Variants in BNC2 observed in about 807,000 individuals in gnomAD.
BNC2 encodes zinc finger protein basonuclin-2.
A neutral mutation model predicts 76.3 loss-of-function variants in BNC2; 20 were observed. The ratio of observed to expected loss-of-function variants is 0.26; its 90% confidence interval spans 0.18 to 0.38. The LOEUF (loss-of-function observed/expected upper bound fraction) is 0.38. Ranked by LOEUF, BNC2 falls within the 10% of genes least tolerant of loss-of-function variation. BNC2 has a pLI of 1.00. For synonymous variants in BNC2, 582 were observed against 514.8 expected (o/e 1.13, Z -1.77); for missense variants, 1,382 against 1,399.8 (o/e 0.99, Z 0.20).
At position 16,699,145 on chromosome 9, in the gene BNC2, C is replaced by G. The variant is rs549179037; in HGVS notation, c.330+28652G>C. The G allele has an allele frequency of 8.6e-6, 4 of 463,872 alleles. 1 individual carries two copies. Among genetic ancestry groups the G allele is most frequent in the South Asian group, 6.4e-5 (4 of 62,970 alleles). 28.7% of individuals were successfully genotyped at this position (463,872 alleles called of 1,614,324 possible). On this transcript the variant is annotated intron_variant, in intron 3 of 6. Transcript: ENST00000380672. The stretch of plus-strand genomic sequence containing the variant: ...TGTTTTTGTTTTTGTTTTGTCCTTT[C>G]CCTTTGTTTTAAAAACAGAAAGGCT...
intron 4 of BNC2, among the ~76,000 whole-genome samples, chr9:16,568,053 G>A (rs1348791955): frequency 6.6e-6 from 1 of 151,974 alleles, no homozygotes; most frequent in African/African-American, 2.4e-5. Flanking sequence ...TTTTATTTTG[G>A]GAGAAAGCCA....
chr9:16,525,349 A>T (rs1178870899), intron 5 of BNC2, among the ~76,000 whole-genome samples: 1 of 152,218 alleles, frequency 6.6e-6, no homozygotes, highest in Non-Finnish European at 1.5e-5. Context: ...AACTATTCAC[A>T]ATACAGATAT....
intron 1 of BNC2, among the ~76,000 whole-genome samples, chr9:16,790,890 T>G (rs1817486343): frequency 6.6e-6 from 1 of 151,668 alleles, no homozygotes; most frequent in Non-Finnish European, 1.5e-5. Context: ...ACACTTCATT[T>G]ATTTGATGCA....
chr9:16,506,790 C>A (rs923071012), intron 5 of BNC2, among the ~76,000 whole-genome samples: 5 of 151,554 alleles, frequency 3.3e-5, no homozygotes, highest in Non-Finnish European at 7.4e-5. Context: ...TTGCTCTTGT[C>A]ACCCAGGCTG....
At chr9:16,551,591 T>C (rs1161154318) in intron 5 of BNC2, among the ~76,000 whole-genome samples, 1 of 152,146 alleles carries the variant, frequency 6.6e-6, no homozygotes, top group Non-Finnish European at 1.5e-5. Flanking sequence ...ATTTGAAAAA[T>C]TGCTTCAGAT....
intron 3 of BNC2, among the ~76,000 whole-genome samples, chr9:16,652,069 T>C (rs1281151337): frequency 6.6e-6 from 1 of 152,192 alleles, no homozygotes; most frequent in Non-Finnish European, 1.5e-5. Flanking sequence ...TGATATATCC[T>C]AAATAGTTTG....
At chr9:16,422,203 C>T (rs572185669) in intron 6 of BNC2, among the ~76,000 whole-genome samples, 4 of 152,308 alleles carry the variant, frequency 2.6e-5, no homozygotes, top group Admixed American at 6.5e-5. Flanking sequence ...TCTAATTAGA[C>T]GATGTACCAG....
chr9:16,490,476 G>A lies in BNC2; in HGVS notation c.670-52952C>T, dbSNP rs1025072822. ...ATTTAGGTGGGGACACAGCCAAACC[G>A]TATCACTCACCTTCCTCCAAACTTT... On this transcript the variant is annotated intron_variant, in intron 5 of 6. Transcript: ENST00000380672. 9.9e-5 allele frequency among the ~76,000 whole-genome samples: 15 copies of A among 152,224 alleles called. No individual in the cohort carries two copies. In the East Asian group the frequency reaches 1.5e-3, roughly 16 times the overall value.
chr9:16,716,737 T>C (rs1587347454), intron 3 of BNC2, among the ~76,000 whole-genome samples: 1 of 152,348 alleles, frequency 6.6e-6, no homozygotes, highest in East Asian at 1.9e-4. Context: ...GGATCAACTA[T>C]ACTATAGTGT....
chr9:16,645,843 G>A (rs557126481), intron 3 of BNC2, among the ~76,000 whole-genome samples: 6 of 152,290 alleles, frequency 3.9e-5, no homozygotes, highest in African/African-American at 1.4e-4. Context: ...CTAGAGACCA[G>A]CAGGATTACA....
intron 5 of BNC2, among the ~76,000 whole-genome samples, chr9:16,495,833 C>G (rs1822376348): frequency 6.6e-6 from 1 of 152,082 alleles, no homozygotes; most frequent in South Asian, 2.1e-4. Flanking sequence ...GGCTGAGACT[C>G]TTAGGAGTGT....
chr9:16,743,687 G>A (rs534477834), intron 1 of BNC2, among the ~76,000 whole-genome samples: 1 of 152,314 alleles, frequency 6.6e-6, no homozygotes, highest in Non-Finnish European at 1.5e-5. Flanking sequence ...GCCAGAGGCT[G>A]AGATACAGTT....
At chr9:16,800,374 T>C (rs758971015) in intron 1 of BNC2, among the ~76,000 whole-genome samples, 8 of 152,158 alleles carry the variant, frequency 5.3e-5, no homozygotes, top group Non-Finnish European at 1.0e-4. Flanking sequence ...TTGCATAGTA[T>C]ATAACCAAGG....
intron 3 of BNC2, among the ~76,000 whole-genome samples, chr9:16,662,515 C>G (rs568531117): frequency 8.8e-4 from 134 of 152,290 alleles, no homozygotes; most frequent in South Asian, 1.9e-3. Flanking sequence ...GCAGGTGCAT[C>G]ACCTGAGGTC....
At chr9:16,468,122 C>T (rs150023250) in intron 5 of BNC2, among the ~76,000 whole-genome samples, 2 of 150,164 alleles carry the variant, frequency 1.3e-5, no homozygotes, top group African/African-American at 2.5e-5. Context: ...CTCACTGCAG[C>T]CTTGACCTCC....
chr9:16,660,129 C>T (rs1307786176), intron 3 of BNC2, among the ~76,000 whole-genome samples: 1 of 152,198 alleles, frequency 6.6e-6, no homozygotes, highest in African/African-American at 2.4e-5. Flanking sequence ...GCATCCCTTG[C>T]CCACAATGTC....
chr9:16,758,355 T>TC lies in BNC2; in HGVS notation c.4-19871_4-19870insG, dbSNP rs1479137900. Among the ~76,000 whole-genome samples, 4 of 50,072 alleles carry TC rather than the reference T, an allele frequency of 8.0e-5. No individual in the cohort carries two copies. The Admixed American group carries it at 1.0e-3, about 12-fold the overall frequency. 32.8% of individuals were successfully genotyped at this position (50,072 alleles called of 152,430 possible). A position where few individuals can be genotyped will look rare whatever the true frequency, so the allele number is the denominator to read the frequency against. On this transcript the variant is annotated intron_variant, in intron 1 of 6. Transcript: ENST00000380672. ...GCAAAGTCCCTTGTCTTTCCTTTTT[T>TC]TTTAGATGGAGTTTCACTCTGTCGC...
intron 5 of BNC2, among the ~76,000 whole-genome samples, chr9:16,471,722 G>A (rs1381071995): frequency 6.6e-6 from 1 of 152,186 alleles, no homozygotes; most frequent in East Asian, 1.9e-4. Context: ...GGGAAGGCAT[G>A]ACTGGTTTTG....
intron 3 of BNC2, among the ~76,000 whole-genome samples, chr9:16,589,187 A>AT (rs1329868432): frequency 2.6e-5 from 4 of 151,966 alleles, no homozygotes; most frequent in African/African-American, 7.2e-5. Flanking sequence ...AAAAAAAAAA[A>AT]TTTTGTTGTT....
Sources: gnomAD v4.1 joint callset for allele counts (sites outside exome capture counted in the v4.1 genomes callset) on GRCh38, gnomAD v4.1.1 for gene constraint, MANE v1.5 for transcripts, NCBI Gene and HGNC (gene_info 2026-07-23, HGNC 2026-07-21) for gene names.